The following POC1B variants were observed in gnomAD, a reference collection of about 807,000 sequenced individuals.
POC1B encodes the protein POC1 centriolar protein B, also known as POC1 centriolar protein homolog B.
In POC1B, 44 loss-of-function variants were observed where a neutral mutation model predicts 60.6. The observed-to-expected ratio is 0.73, with a 90% CI of 0.57 to 0.93. The LOEUF is 0.93. Among genes scored for constraint, POC1B ranks in the 40% least tolerant of loss-of-function variants. The probability of loss-of-function intolerance (pLI) is 0.00; values close to 1 mark genes in which losing one functional copy is unlikely to be tolerated. For synonymous variants in POC1B, 180 were observed against 198.9 expected (o/e 0.90, Z 0.80); for missense variants, 555 against 572.3 (o/e 0.97, Z 0.31).
At chr12:89,524,922 C>G in intron 2 of POC1B, 198 bp downstream of exon 2, 1 of 861,860 alleles carries the variant, frequency 1.2e-6, no homozygotes, top group Non-Finnish European at 1.7e-6. Context: ...GGCTCTTGGC[C>G]GGGCCGGGGG....
At chr12:89,484,632 G>A (rs759671291) in intron 4 of POC1B, among the ~76,000 whole-genome samples, 4 of 152,212 alleles carry the variant, frequency 2.6e-5, no homozygotes, top group Non-Finnish European at 5.9e-5. Flanking sequence ...TTTTATATGA[G>A]AGCAGACTAA....
intron 7 of POC1B, among the ~76,000 whole-genome samples, chr12:89,468,941 T>C (rs1307930812): frequency 6.6e-6 from 1 of 152,046 alleles, no homozygotes; most frequent in Non-Finnish European, 1.5e-5. Context: ...GAATATTGTC[T>C]GGAAGAAAAG....
At chr12:89,524,934 T>G in intron 2 of POC1B, 186 bp downstream of exon 2, 4 of 945,518 alleles carry the variant, frequency 4.2e-6, no homozygotes, top group Non-Finnish European at 6.2e-6. Flanking sequence ...GGCCGGGGGC[T>G]GGGGGCCGGG....
At position 89,440,776 on chromosome 12, in the gene POC1B, A is replaced by G. The variant is rs61925095; in HGVS notation, c.1114-15397T>C. Among the ~76,000 whole-genome samples, 821 of 152,338 alleles carry G rather than the reference A, an allele frequency of 5.4e-3. 4 individuals are homozygous for G. Among genetic ancestry groups the G allele is most frequent in the Non-Finnish European group, 8.3e-3 (567 of 68,032 alleles). On this transcript the variant is annotated intron_variant, in intron 10 of 11. Transcript: ENST00000313546. The stretch of plus-strand genomic sequence containing the variant: ...GGTTCATTTCACTGGGGCTTGTCGG[A>G]CAGTGGGTGCAGCCCACAGAGCATG...
At chr12:89,524,296 A>G (rs777245380) in intron 2 of POC1B, 2 of 1,613,952 alleles carry the variant, frequency 1.2e-6, no homozygotes, top group Admixed American at 3.3e-5. Flanking sequence ...ATCCTCGTTG[A>G]GCTGGAGTTT....
chr12:89,418,369 T>A (rs548204504), downstream of POC1B, among the ~76,000 whole-genome samples: 35 of 152,268 alleles, frequency 2.3e-4, no homozygotes, highest in African/African-American at 8.4e-4. Context: ...AAGTTGCGTC[T>A]TGGCCTTTTA....
chr12:89,476,759 T>TAGATAGACAGAC (rs1485211003), intron 4 of POC1B, among the ~76,000 whole-genome samples: 42 of 58,644 alleles, frequency 7.2e-4, no homozygotes, highest in African/African-American at 1.8e-3. Context: ...GATAGATAGA[T>TAGATAGACAGAC]AGACAGACAG....
chr12:89,521,443 C>T (rs905416012), intron 2 of POC1B: 2 of 152,232 alleles, frequency 1.3e-5, no homozygotes, highest in African/African-American at 4.8e-5. Flanking sequence ...TCTTCTCCAG[C>T]TTCACAACTG....
chr12:89,425,030 G>T, intron 11 of POC1B, 131 bp downstream of exon 11: 1 of 850,056 alleles, frequency 1.2e-6, no homozygotes, highest in Non-Finnish European at 1.8e-6. Flanking sequence ...TTAGGGCATT[G>T]CCACCTTGAG....
chr12:89,518,331 T>C (rs1352010292), intron 2 of POC1B, among the ~76,000 whole-genome samples: 2 of 152,206 alleles, frequency 1.3e-5, no homozygotes, highest in Non-Finnish European at 2.9e-5. Flanking sequence ...TATATATGTG[T>C]GTAACTTTCT....
At chr12:89,519,055 GA>G (rs1870632717) in intron 2 of POC1B, among the ~76,000 whole-genome samples, 1 of 152,100 alleles carries the variant, frequency 6.6e-6, no homozygotes, top group Non-Finnish European at 1.5e-5. Context: ...GGGGAAATAT[GA>G]GGATATGTGG....
At chr12:89,427,589 T>A (rs112319982) in intron 10 of POC1B, 3,885 of 152,350 alleles carry the variant, frequency 0.026, 77 homozygotes, top group Non-Finnish European at 0.037. Flanking sequence ...TAGTTCTAGC[T>A]ACTCAGGAGG....
intron 4 of POC1B, among the ~76,000 whole-genome samples, chr12:89,491,684 G>A (rs1437951931): frequency 6.7e-6 from 1 of 149,518 alleles, no homozygotes. Flanking sequence ...TTCTAACCCA[G>A]CTCTTTCTCC....
the POC1B span, among the ~76,000 whole-genome samples, chr12:89,412,295 G>C: frequency 6.6e-6 from 1 of 151,718 alleles, no homozygotes; most frequent in Non-Finnish European, 1.5e-5. Context: ...CTTAAGTAAG[G>C]GTGTCTCATC....
intron 2 of POC1B, among the ~76,000 whole-genome samples, chr12:89,505,951 G>C (rs889476588): frequency 2.6e-5 from 4 of 152,180 alleles, no homozygotes; most frequent in Admixed American, 6.5e-5. Context: ...ATGTGAGGGA[G>C]AGAAAAAGAG....
chr12:89,409,158 G>A, the POC1B span, among the ~76,000 whole-genome samples: 1 of 152,120 alleles, frequency 6.6e-6, no homozygotes, highest in African/African-American at 2.4e-5. Context: ...GACTTTTGTT[G>A]CAATTGCTTT....
chr12:89,467,659 T>C lies in POC1B; in HGVS notation c.837A>G (p.Ser279=), dbSNP rs2120833950. 6.2e-7 allele frequency: 1 copy of C among 1,612,122 alleles called. No individual in the cohort carries two copies. Among genetic ancestry groups the C allele is most frequent in the East Asian group, 2.2e-5 (1 of 44,784 alleles). The part of the protein sequence containing the change: ...HTGPVFTVSF[S]KGGELFASGG... ...CTGATGCAAATAGCTCTCCACCTTT[T>C]GAAAATGAAACAGTAAAGACAGGTC... The change falls in exon 8 of 12, where the codon TCA becomes TCG. Residue 279 remains serine (S), a synonymous_variant. Coordinates refer to ENST00000313546, the MANE Select transcript of POC1B (RefSeq NM_172240.3).
Position 89,497,345 on chromosome 12 carries a change from A to C in POC1B, c.101-3T>G, listed in dbSNP as rs750116711. The C allele has an allele frequency of 1.2e-5, 19 of 1,609,506 alleles. No homozygotes were observed. The Admixed American group carries it at 3.2e-4, about 27-fold the overall frequency. On this transcript the variant is annotated splice_region_variant and splice_polypyrimidine_tract_variant and intron_variant, in intron 2 of 11. Transcript: ENST00000313546. ...AAAGGTATCCCAAGAAGCAGTAGCT[A>C]TCAAGAAATAGAAGAACAAAACCAC...
chr12:89,439,134 T>C (rs750616742), intron 10 of POC1B, among the ~76,000 whole-genome samples: 3 of 152,200 alleles, frequency 2.0e-5, no homozygotes, highest in Non-Finnish European at 4.4e-5. Context: ...CTACTGACTT[T>C]TTCTTTTAAC....
Sources: allele counts gnomAD v4.1 joint callset (sites outside exome capture counted in the v4.1 genomes callset), GRCh38; gene constraint gnomAD v4.1.1; transcripts MANE v1.5; gene names NCBI Gene and HGNC (gene_info 2026-07-23, HGNC 2026-07-21).